Variants in GOLGA4 observed in about 807,000 individuals in gnomAD.
GOLGA4 encodes the protein golgin A4, also known as golgin subfamily A member 4.
GOLGA4 carries 169 observed loss-of-function variants against 265.9 expected under a neutral mutation model. The observed-to-expected ratio is 0.64, with a 90% CI of 0.56 to 0.72. GOLGA4 has a LOEUF of 0.72. GOLGA4 is among the 30% of genes least tolerant of loss of function. The pLI is 0.00. For missense variants in GOLGA4, 2,482 were observed against 2,483.4 expected (o/e 1.00, Z 0.01); for synonymous variants, 923 against 855.8 (o/e 1.08, Z -1.37).
In GOLGA4 at chr3:37,361,275, A is replaced by C; in HGVS notation, c.*3A>C. ...CACCTCGCAGTGGTATCTTCTGAGT[A>C]AACCATCAGTCTGTGCTTAGTTAAC... On this transcript the variant is annotated 3_prime_UTR_variant, in exon 23 of 24. Transcript: ENST00000361924. The C allele has an allele frequency of 6.2e-7, 1 of 1,613,170 alleles. No individual in the cohort carries two copies. Among genetic ancestry groups the C allele is most frequent in the Non-Finnish European group, 8.5e-7 (1 of 1,179,252 alleles).
chr3:37,331,880 C>T (rs1207053295), intron 16 of GOLGA4, among the ~76,000 whole-genome samples: 1 of 152,086 alleles, frequency 6.6e-6, no homozygotes, highest in Non-Finnish European at 1.5e-5. Flanking sequence ...CTTCTCTCCC[C>T]AGCACAATTA....
intron 12 of GOLGA4, chr3:37,319,907 C>A (rs193024127): frequency 6.6e-6 from 1 of 152,138 alleles, no homozygotes; most frequent in Non-Finnish European, 1.5e-5. Flanking sequence ...GAAGCAGTGA[C>A]TGCATAATTC....
intron 10 of GOLGA4, among the ~76,000 whole-genome samples, chr3:37,304,370 A>G (rs1396423844): frequency 6.6e-6 from 1 of 152,200 alleles, no homozygotes; most frequent in African/African-American, 2.4e-5. Flanking sequence ...TGACTGGGGA[A>G]TTTAGTTAAT....
At chr3:37,354,942 G>A (rs745869009) in intron 21 of GOLGA4, among the ~76,000 whole-genome samples, 159 bp from the exon 22 acceptor site, 3 of 152,044 alleles carry the variant, frequency 2.0e-5, no homozygotes, top group African/African-American at 4.8e-5. Flanking sequence ...TGAAATTCTA[G>A]TGTTGTTATT....
At chr3:37,285,055 G>A (rs953188599) in intron 3 of GOLGA4, among the ~76,000 whole-genome samples, 6 of 152,090 alleles carry the variant, frequency 3.9e-5, no homozygotes, top group Non-Finnish European at 8.8e-5. Context: ...TCAAATAGGG[G>A]ATGCTTCCTC....
intron 23 of GOLGA4, among the ~76,000 whole-genome samples, chr3:37,361,772 A>G (rs3774762): frequency 0.42 from 64,006 of 152,086 alleles, 14,087 homozygotes; most frequent in African/African-American, 0.48. Flanking sequence ...TAGTAAGATC[A>G]ATTTTAAAAT....
chr3:37,309,171 G>C (rs545411607), intron 10 of GOLGA4, among the ~76,000 whole-genome samples: 2 of 152,060 alleles, frequency 1.3e-5, no homozygotes, highest in South Asian at 4.2e-4. Context: ...AGAATCGCTT[G>C]AACCTGGGAG....
At chr3:37,273,471 C>A in intron 2 of GOLGA4, 1 of 852,858 alleles carries the variant, frequency 1.2e-6, no homozygotes, top group South Asian at 1.5e-5. Context: ...GGGCTTTATT[C>A]TTAACAGTTT....
intron 2 of GOLGA4, among the ~76,000 whole-genome samples, chr3:37,279,749 A>G (rs998574288): frequency 6.6e-6 from 1 of 152,058 alleles, no homozygotes; most frequent in Non-Finnish European, 1.5e-5. Context: ...TCTACCGAAA[A>G]TATAAAAATT....
chr3:37,354,653 T>C (rs974557905), intron 21 of GOLGA4, among the ~76,000 whole-genome samples: 10 of 152,114 alleles, frequency 6.6e-5, no homozygotes, highest in Non-Finnish European at 8.8e-5. Context: ...CTGAGCATGT[T>C]CATGTTCATG....
At chr3:37,271,734 TA>T (rs955356610) in intron 2 of GOLGA4, among the ~76,000 whole-genome samples, 1 of 152,168 alleles carries the variant, frequency 6.6e-6, no homozygotes, top group Non-Finnish European at 1.5e-5. Context: ...TATATATCTC[TA>T]AAACAGTGCT....
intron 23 of GOLGA4, 32 bp from the exon 24 acceptor site, chr3:37,366,048 T>G (rs1397744190): frequency 1.3e-6 from 2 of 1,516,736 alleles, no homozygotes; most frequent in Non-Finnish European, 1.8e-6. Context: ...TTTGCCCCCT[T>G]TCTTTATTCT....
intron 2 of GOLGA4, among the ~76,000 whole-genome samples, chr3:37,272,607 A>G (rs1389095036): frequency 6.6e-6 from 1 of 152,218 alleles, no homozygotes; most frequent in Non-Finnish European, 1.5e-5. Context: ...ATTTCCTACC[A>G]TCAAACTACT....
chr3:37,340,414 T>C (rs1267114256), intron 20 of GOLGA4, among the ~76,000 whole-genome samples: 1 of 152,220 alleles, frequency 6.6e-6, no homozygotes, highest in Non-Finnish European at 1.5e-5. Flanking sequence ...ACTAAGTGCA[T>C]TACCTGACAT....
chr3:37,360,387 C>G (rs1260407179), intron 22 of GOLGA4, among the ~76,000 whole-genome samples: 2 of 152,052 alleles, frequency 1.3e-5, no homozygotes, highest in Non-Finnish European at 2.9e-5. Flanking sequence ...TATACTTCTG[C>G]CAGAGAGGAT....
intron 2 of GOLGA4, among the ~76,000 whole-genome samples, chr3:37,269,470 C>T (rs983695769): frequency 6.6e-6 from 1 of 152,068 alleles, no homozygotes; most frequent in African/African-American, 2.4e-5. Context: ...AGGGCTCTGT[C>T]CTCTTGAGAG....
rs117402536 is a variant in GOLGA4, at chr3:37,365,852, C to T, written c.*34-228C>T. Among the ~76,000 whole-genome samples the T allele has an allele frequency of 6.8e-5, 10 of 147,916 alleles. No homozygotes were observed. The East Asian group carries it at 2.0e-3, about 29-fold the overall frequency. ...CTTGCTGTGTTGACCAGGCTGGTCTCGAACTCCTGGCCTCAAGTGATTCTC... is the reference window on the plus strand; with the variant it reads ...CTTGCTGTGTTGACCAGGCTGGTCTTGAACTCCTGGCCTCAAGTGATTCTC... On this transcript the variant is annotated intron_variant, in intron 23 of 23. Transcript: ENST00000361924.
At chr3:37,287,067 G>T (rs941118277) in intron 4 of GOLGA4, among the ~76,000 whole-genome samples, 1 of 152,326 alleles carries the variant, frequency 6.6e-6, no homozygotes, top group Non-Finnish European at 1.5e-5. Flanking sequence ...TTGGCCAGGC[G>T]TGGTGGCTCA....
chr3:37,322,786 A>G (rs551029702), intron 13 of GOLGA4, among the ~76,000 whole-genome samples: 11 of 152,298 alleles, frequency 7.2e-5, no homozygotes, highest in African/African-American at 2.6e-4. Flanking sequence ...TTCATGAGAT[A>G]ATAATAATCT....
Sources: allele counts gnomAD v4.1 joint callset (sites outside exome capture counted in the v4.1 genomes callset), GRCh38; gene constraint gnomAD v4.1.1; transcripts MANE v1.5; gene names NCBI Gene and HGNC (gene_info 2026-07-23, HGNC 2026-07-21).